Variants in FTO observed in about 807,000 individuals in gnomAD.
The protein encoded by FTO is alpha-ketoglutarate-dependent dioxygenase FTO.
A neutral mutation model predicts 63.9 loss-of-function variants in FTO; 47 were observed. That is an observed-to-expected ratio of 0.74 (90% CI 0.58 to 0.94). The LOEUF is 0.94. FTO is among the 40% of genes least tolerant of loss of function. The probability of loss-of-function intolerance (pLI) is 0.00; values close to 1 mark genes in which losing one functional copy is unlikely to be tolerated. For missense variants in FTO, 562 were observed against 618.1 expected (o/e 0.91, Z 0.96); for synonymous variants, 207 against 224.4 (o/e 0.92, Z 0.69).
intron 4 of FTO, among the ~76,000 whole-genome samples, chr16:53,854,984 T>G (rs1682891927): frequency 6.6e-6 from 1 of 152,102 alleles, no homozygotes; most frequent in African/African-American, 2.4e-5. Flanking sequence ...GTTCTCTTTG[T>G]AGAGATCTTC....
chr16:54,075,987 C>G (rs2085983648), intron 8 of FTO, among the ~76,000 whole-genome samples: 1 of 152,064 alleles, frequency 6.6e-6, no homozygotes, highest in African/African-American at 2.4e-5. Context: ...GCCGGATTCC[C>G]CATCTTCCCC....
At chr16:53,878,214 C>G (rs1013320221) in intron 5 of FTO, among the ~76,000 whole-genome samples, 1 of 152,074 alleles carries the variant, frequency 6.6e-6, no homozygotes, top group African/African-American at 2.4e-5. Flanking sequence ...AGGAGAATTG[C>G]TTGAGCCTAG....
rs2085118116 is a variant in FTO at position 54,042,919 on chromosome 16, A to G, written c.1365-68843A>G. 2.6e-5 allele frequency among the ~76,000 whole-genome samples: 2 copies of G among 77,622 alleles called. 1 individual carries two copies. Among genetic ancestry groups the G allele is most frequent in the Admixed American group, 2.7e-4 (2 of 7,296 alleles). 50.9% of individuals were successfully genotyped at this position (77,622 alleles called of 152,430 possible). ...GTCCTGTCTGTTACAAGGAAAACTA[A>G]CAACCAGAAAGGACATCTACACCGA... On this transcript the variant is annotated intron_variant, in intron 8 of 8. Transcript: ENST00000471389.
intron 1 of FTO, among the ~76,000 whole-genome samples, chr16:53,799,693 T>C (rs7204609): frequency 0.14 from 20,608 of 152,118 alleles, 3,203 homozygotes; most frequent in East Asian, 0.4. Context: ...GCCGAGGTCT[T>C]TTCACTCTCT....
At chr16:53,960,986 T>C (rs906699843) in intron 8 of FTO, among the ~76,000 whole-genome samples, 2 of 152,202 alleles carry the variant, frequency 1.3e-5, no homozygotes, top group Non-Finnish European at 2.9e-5. Flanking sequence ...TCATTCTATC[T>C]TGGACTGGAT....
chr16:53,885,172 C>T (rs1007316819), intron 6 of FTO, among the ~76,000 whole-genome samples: 1 of 152,164 alleles, frequency 6.6e-6, no homozygotes, highest in African/African-American at 2.4e-5. Flanking sequence ...GTGCAGTGTC[C>T]ATGCTGTAGC....
Position 54,048,645 on chromosome 16 carries a change from ACT to A in FTO, c.1365-63114_1365-63113del, listed in dbSNP as rs1386318502. ...AAACAGGGATGCCACGTCATTAATA[ACT>A]CTGGCATGCCATCCCAATTCTGGTC... On this transcript the variant is annotated intron_variant, in intron 8 of 8. Transcript: ENST00000471389. Among the ~76,000 whole-genome samples the A allele has an allele frequency of 7.9e-5, 12 of 152,182 alleles. No individual in the cohort carries two copies. The East Asian group carries it at 2.3e-3, about 29-fold the overall frequency.
At chr16:53,757,315 C>T (rs2076947552) in intron 1 of FTO, among the ~76,000 whole-genome samples, 1 of 152,032 alleles carries the variant, frequency 6.6e-6, no homozygotes, top group Middle Eastern at 3.2e-3. Flanking sequence ...CAAGAGATCT[C>T]TTGAACATCA....
rs1447316380 is a variant in FTO at position 54,105,353 on chromosome 16, A to T, written c.1365-6409A>T. ...TCTGAAATGATTTGGAATGTCCTGC[A>T]TATTTAAATTTGACAAGAATAGCTG... is the stretch of plus-strand genomic sequence containing the variant. On this transcript the variant is annotated intron_variant, in intron 8 of 8. Transcript: ENST00000471389. 2.0e-5 allele frequency among the ~76,000 whole-genome samples: 3 copies of T among 152,252 alleles called. No individual in the cohort carries two copies. The South Asian group carries it at 6.2e-4, about 32-fold the overall frequency.
chr16:54,029,424 G>A (rs1424099708), intron 8 of FTO, among the ~76,000 whole-genome samples: 1 of 152,138 alleles, frequency 6.6e-6, no homozygotes. Context: ...CATGGAGGAA[G>A]AAAAGCTTCC....
intron 6 of FTO, chr16:53,886,954 G>A (rs1056633686): frequency 7.2e-5 from 11 of 152,216 alleles, no homozygotes; most frequent in African/African-American, 2.7e-4. Context: ...GCGGGCAGTG[G>A]TAAAAAGAGT....
rs568079851 is a variant in FTO, at chr16:53,961,892, G to A, written c.1364+27783G>A. On this transcript the variant is annotated intron_variant, in intron 8 of 8. Transcript: ENST00000471389. ...GCAGTGTGAAATAAGACTTCCCACC[G>A]GGCACCTTTGGAATCCACAGCTCTA... Among the ~76,000 whole-genome samples, 7 of 152,132 alleles carry A rather than the reference G, an allele frequency of 4.6e-5. No homozygotes were observed. In the South Asian group the frequency reaches 1.0e-3, roughly 23 times the overall value.
At chr16:53,866,653 T>G (rs969858313) in intron 4 of FTO, among the ~76,000 whole-genome samples, 1 of 152,094 alleles carries the variant, frequency 6.6e-6, no homozygotes, top group African/African-American at 2.4e-5. Flanking sequence ...GATTTTTGGG[T>G]AAATAACTAT....
chr16:54,077,082 C>T (rs1420775469), intron 8 of FTO, among the ~76,000 whole-genome samples: 2 of 152,164 alleles, frequency 1.3e-5, no homozygotes, highest in Non-Finnish European at 2.9e-5. Context: ...AAAGGAACTC[C>T]AGGCTAAGAC....
intron 1 of FTO, among the ~76,000 whole-genome samples, chr16:53,771,283 C>T (rs1216198634): frequency 1.3e-5 from 2 of 152,150 alleles, no homozygotes; most frequent in Non-Finnish European, 2.9e-5. Flanking sequence ...AGACCAAAAA[C>T]CCTGGAAACA....
At chr16:53,878,211 T>C (rs1405085171) in intron 5 of FTO, among the ~76,000 whole-genome samples, 1 of 152,118 alleles carries the variant, frequency 6.6e-6, no homozygotes, top group Non-Finnish European at 1.5e-5. Flanking sequence ...GGCAGGAGAA[T>C]TGCTTGAGCC....
chr16:53,949,650 C>T (rs1030143204), intron 8 of FTO, among the ~76,000 whole-genome samples: 1 of 147,758 alleles, frequency 6.8e-6, no homozygotes, highest in East Asian at 2.0e-4. Context: ...GAAGAAATTT[C>T]GGTATCAATG....
chr16:54,005,155 T>C (rs1433423671), intron 8 of FTO, among the ~76,000 whole-genome samples: 1 of 149,664 alleles, frequency 6.7e-6, no homozygotes, highest in African/African-American at 2.4e-5. Context: ...GTTTCTTGTC[T>C]TCATAGCTAA....
At chr16:53,736,130 G>A (rs2076385880) in intron 1 of FTO, among the ~76,000 whole-genome samples, 1 of 152,192 alleles carries the variant, frequency 6.6e-6, no homozygotes, top group African/African-American at 2.4e-5. Context: ...AACTGCTCCA[G>A]CTAGCAGCTG....
Sources: allele counts gnomAD v4.1 joint callset (sites outside exome capture counted in the v4.1 genomes callset), GRCh38; gene constraint gnomAD v4.1.1; transcripts MANE v1.5; gene names NCBI Gene and HGNC (gene_info 2026-07-23, HGNC 2026-07-21).